The following BABAM2 variants were observed in gnomAD, a reference collection of about 807,000 sequenced individuals.
BABAM2 encodes BRISC and BRCA1-A complex member 2.
BABAM2 carries 31 observed loss-of-function variants against 54.7 expected under a neutral mutation model. The ratio of observed to expected loss-of-function variants is 0.57; its 90% CI spans 0.43 to 0.77. BABAM2 has a LOEUF of 0.77. Ranked by LOEUF, BABAM2 falls within the 30% of genes least tolerant of loss-of-function variation. The pLI is 0.00. For synonymous variants in BABAM2, 167 were observed against 162.9 expected (o/e 1.03, Z -0.19); for missense variants, 364 against 455.8 (o/e 0.80, Z 1.83).
intron 3 of BABAM2, among the ~76,000 whole-genome samples, chr2:27,984,787 A>G (rs960994467): frequency 1.3e-5 from 2 of 151,856 alleles, no homozygotes; most frequent in African/African-American, 4.8e-5. Flanking sequence ...ATTTAGGTGC[A>G]CCCATCACCA....
At chr2:28,044,949 C>G (rs143594432) in intron 5 of BABAM2, among the ~76,000 whole-genome samples, 1 of 151,438 alleles carries the variant, frequency 6.6e-6, no homozygotes, top group East Asian at 1.9e-4. Flanking sequence ...CTCTAGATCT[C>G]TGCATGATCT....
intron 11 of BABAM2, chr2:28,308,243 T>C (rs972960008): frequency 5.1e-6 from 2 of 394,838 alleles, no homozygotes; most frequent in African/African-American, 4.2e-5. Context: ...AAGGCAGTGC[T>C]TAAAGGTGTC....
chr2:28,266,833 T>G (rs1480843636), intron 10 of BABAM2, among the ~76,000 whole-genome samples: 1 of 152,242 alleles, frequency 6.6e-6, no homozygotes, highest in Non-Finnish European at 1.5e-5. Flanking sequence ...TATTTTGGGA[T>G]AATTGTGGAT....
At chr2:27,926,585 G>A (rs1264357599) in intron 2 of BABAM2, among the ~76,000 whole-genome samples, 6 of 152,194 alleles carry the variant, frequency 3.9e-5, no homozygotes, top group African/African-American at 1.4e-4. Context: ...TTTCCTCATA[G>A]CATTTAGCAA....
At chr2:28,056,208 G>A (rs1450301183) in intron 6 of BABAM2, among the ~76,000 whole-genome samples, 2 of 152,026 alleles carry the variant, frequency 1.3e-5, no homozygotes, top group African/African-American at 4.8e-5. Flanking sequence ...AGGACTACAG[G>A]TTATAGAATT....
intron 11 of BABAM2, among the ~76,000 whole-genome samples, chr2:28,332,612 T>G (rs1691059994): frequency 6.6e-6 from 1 of 152,122 alleles, no homozygotes; most frequent in African/African-American, 2.4e-5. Flanking sequence ...GAGAGCTGTT[T>G]GAGGACCAGG....
chr2:28,265,493 C>A (rs1684903317), intron 10 of BABAM2, among the ~76,000 whole-genome samples: 1 of 152,142 alleles, frequency 6.6e-6, no homozygotes, highest in Non-Finnish European at 1.5e-5. Context: ...GCCTAAGGGT[C>A]AGAAAACTGA....
intron 11 of BABAM2, among the ~76,000 whole-genome samples, chr2:28,303,849 A>G (rs1442901414): frequency 1.3e-5 from 2 of 152,158 alleles, no homozygotes; most frequent in Non-Finnish European, 2.9e-5. Flanking sequence ...AAAATATTTC[A>G]ATGTAGAAAT....
intron 7 of BABAM2, among the ~76,000 whole-genome samples, chr2:28,184,286 C>CTCTCTCT (rs1558415646): frequency 1.4e-5 from 1 of 69,592 alleles, no homozygotes; most frequent in Non-Finnish European, 3.2e-5. Context: ...CTCTCTCTCT[C>CTCTCTCT]CCCCCCTCCC....
At chr2:27,966,209 T>G (rs1024665344) in intron 3 of BABAM2, among the ~76,000 whole-genome samples, 4 of 82,700 alleles carry the variant, frequency 4.8e-5, no homozygotes, top group African/African-American at 1.3e-4. Flanking sequence ...GGTGATATTC[T>G]GTCATTTCTT....
chr2:28,243,868 C>A (rs191451235), intron 9 of BABAM2, among the ~76,000 whole-genome samples: 1 of 152,112 alleles, frequency 6.6e-6, no homozygotes, highest in Non-Finnish European at 1.5e-5. Context: ...TTAAACTGGG[C>A]GGGCATCAAT....
chr2:28,231,103 T>C (rs1007413039), intron 7 of BABAM2, among the ~76,000 whole-genome samples: 4 of 152,218 alleles, frequency 2.6e-5, no homozygotes, highest in African/African-American at 7.2e-5. Flanking sequence ...GATAAGATAC[T>C]TAGACTCTTA....
At chr2:28,307,213 G>T (rs1181705097) in intron 11 of BABAM2, among the ~76,000 whole-genome samples, 2 of 146,182 alleles carry the variant, frequency 1.4e-5, no homozygotes, top group African/African-American at 2.5e-5. Flanking sequence ...TGCCATATTG[G>T]CCAGGCTGGT....
At chr2:28,233,128 C>T (rs1318655051) in intron 7 of BABAM2, 1 of 459,796 alleles carries the variant, frequency 2.2e-6, no homozygotes, top group Admixed American at 2.4e-5. Context: ...CCCTATCACC[C>T]TTTTCTCCTC....
In BABAM2 at chr2:28,274,058, G is replaced by T. The variant is rs531980049; in HGVS notation, c.935-24280G>T. 2.6e-5 allele frequency among the ~76,000 whole-genome samples: 4 copies of T among 152,286 alleles called. No homozygotes were observed. The East Asian group carries it at 7.7e-4, about 29-fold the overall frequency. ...TGTCACCTCCAGGACTAGCTCACTG[G>T]CCAGCTGGTTTGTCTGTGGCTCTTG... On this transcript the variant is annotated intron_variant, in intron 10 of 11. Transcript: ENST00000379624.
At chr2:28,134,678 A>C (rs1024403945) in intron 7 of BABAM2, 36 of 152,234 alleles carry the variant, frequency 2.4e-4, no homozygotes, top group African/African-American at 8.2e-4. Flanking sequence ...TTCCCAGCCC[A>C]CGAACGCTCA....
At chr2:28,181,797 A>T (rs1020050487) in intron 7 of BABAM2, among the ~76,000 whole-genome samples, 13 of 149,204 alleles carry the variant, frequency 8.7e-5, no homozygotes, top group South Asian at 6.3e-4. Context: ...TTTTTTTTAA[A>T]AAAAAAAGAC....
At chr2:28,198,690 A>G (rs1460092246) in intron 7 of BABAM2, among the ~76,000 whole-genome samples, 1 of 152,122 alleles carries the variant, frequency 6.6e-6, no homozygotes, top group Non-Finnish European at 1.5e-5. Flanking sequence ...CCCTTGAGAG[A>G]TTAGATCGTA....
At chr2:28,150,569 G>A (rs1671929456) in intron 7 of BABAM2, among the ~76,000 whole-genome samples, 1 of 152,204 alleles carries the variant, frequency 6.6e-6, no homozygotes, top group Non-Finnish European at 1.5e-5. Flanking sequence ...GGGGCAATCT[G>A]TAAGTATTTT....
Sources: allele counts gnomAD v4.1 joint callset (sites outside exome capture counted in the v4.1 genomes callset), GRCh38; gene constraint gnomAD v4.1.1; transcripts MANE v1.5; gene names NCBI Gene and HGNC (gene_info 2026-07-23, HGNC 2026-07-21).